The following NLN variants were observed in gnomAD, a reference collection of about 807,000 sequenced individuals.
The protein encoded by NLN is neurolysin, also known as neurolysin, mitochondrial.
A neutral mutation model predicts 79.9 loss-of-function variants in NLN; 64 were observed. The ratio of observed to expected loss-of-function variants is 0.80; its 90% CI spans 0.65 to 0.99. The LOEUF is 0.99. Among genes scored for constraint, NLN ranks in the 50% least tolerant of loss-of-function variants. The probability of loss-of-function intolerance (pLI) is 0.00; values close to 1 mark genes in which losing one functional copy is unlikely to be tolerated. For synonymous variants in NLN, 267 were observed against 296.6 expected, an observed-to-expected ratio of 0.90 and a Z score of 1.02; for missense variants, 835 against 858.7, an observed-to-expected ratio of 0.97 and a Z score of 0.34.
At chr5:65,798,318 C>A (rs1379136916) in intron 9 of NLN, among the ~76,000 whole-genome samples, 2 of 152,204 alleles carry the variant, frequency 1.3e-5, no homozygotes, top group Non-Finnish European at 2.9e-5. Context: ...CATGACCTAA[C>A]TGCTCTACTT....
chr5:65,738,968 T>TA lies in NLN; in HGVS notation c.41+16557dup, dbSNP rs1273123085. ...ATATATGTTTATATATATGTATATA[T>TA]AAATATATATATTATATATTTATAT... On this transcript the variant is annotated intron_variant, in intron 1 of 12. Transcript: ENST00000380985. Among the ~76,000 whole-genome samples, 267 of 65,160 alleles carry TA rather than the reference T, an allele frequency of 4.1e-3. 2 individuals are homozygous for TA. Among genetic ancestry groups the TA allele is most frequent in the African/African-American group, 0.018 (248 of 14,134 alleles). The allele number at this position is 65,160 out of a possible 152,430, so 42.7% of individuals were successfully genotyped here.
At chr5:65,813,707 G>A (rs913564838) in intron 12 of NLN, among the ~76,000 whole-genome samples, 2 of 151,980 alleles carry the variant, frequency 1.3e-5, no homozygotes, top group African/African-American at 2.4e-5. Flanking sequence ...TGGGAGGATC[G>A]CTCAAGTCCA....
chr5:65,787,619 A>G (rs1416616541), intron 7 of NLN, among the ~76,000 whole-genome samples: 1 of 152,350 alleles, frequency 6.6e-6, no homozygotes, highest in East Asian at 1.9e-4. Context: ...CTGTGTCCAG[A>G]TAAACCTTCA....
At chr5:65,809,939 T>A in intron 10 of NLN, 98 bp from the exon 11 acceptor site, 1 of 1,341,310 alleles carries the variant, frequency 7.5e-7, no homozygotes, top group Non-Finnish European at 1.0e-6. Flanking sequence ...ATTTTGTGAG[T>A]ACTACTGGAA....
At position 65,739,923 on chromosome 5, in the gene NLN, G is replaced by T. The variant is rs957705947; in HGVS notation, c.41+17509G>T. On this transcript the variant is annotated intron_variant, in intron 1 of 12. Transcript: ENST00000380985. The stretch of plus-strand genomic sequence containing the variant: ...TAATCCCTTATGAGATGTATATTTT[G>T]CAAATATTTCCTCCCATTCTATAGG... Among the ~76,000 whole-genome samples the T allele has an allele frequency of 2.0e-5, 3 of 151,908 alleles. 1 individual carries two copies. In the South Asian group the frequency reaches 6.2e-4, roughly 31 times the overall value.
chr5:65,722,346 C>A lies in NLN; in HGVS notation c.-28C>A. Reference sequence around the variant, plus strand: ...CGCCCCACGCCGAAGGACCACGCGCCCGCCGCCGCCAGCCTCTCAGCGCTC... The same window carrying A: ...CGCCCCACGCCGAAGGACCACGCGCACGCCGCCGCCAGCCTCTCAGCGCTC... On this transcript the variant is annotated 5_prime_UTR_variant, in exon 1 of 13. Transcript: ENST00000380985. The A allele has an allele frequency of 3.9e-6, 6 of 1,539,762 alleles. No homozygotes were observed. The highest frequency in any genetic ancestry group is 5.2e-6 in the Non-Finnish European group (6 of 1,145,868).
intron 9 of NLN, among the ~76,000 whole-genome samples, chr5:65,796,199 A>G (rs920114481): frequency 1.3e-5 from 2 of 152,260 alleles, no homozygotes; most frequent in Non-Finnish European, 2.9e-5. Context: ...GTGATCTTCA[A>G]ATAGGGTTTT....
chr5:65,775,296 T>C (rs925531692), intron 3 of NLN, among the ~76,000 whole-genome samples: 3 of 152,228 alleles, frequency 2.0e-5, no homozygotes, highest in African/African-American at 7.2e-5. Flanking sequence ...CTTCAGCTAT[T>C]GAGGCTTTGT....
chr5:65,783,634 AGGATTGCT>A (rs1275154078), intron 6 of NLN, among the ~76,000 whole-genome samples: 1 of 151,892 alleles, frequency 6.6e-6, no homozygotes, highest in African/African-American at 2.4e-5. Context: ...CCAAGGCAAG[AGGATTGCT>A]TGAGGCCAGG....
intron 9 of NLN, among the ~76,000 whole-genome samples, chr5:65,794,288 G>A (rs993072550): frequency 2.6e-5 from 4 of 152,164 alleles, no homozygotes; most frequent in Non-Finnish European, 5.9e-5. Context: ...CCTAGTACTT[G>A]TAGTCTTAGA....
At chr5:65,812,172 C>A in intron 11 of NLN, 83 bp from the exon 12 acceptor site, 1 of 1,180,404 alleles carries the variant, frequency 8.5e-7, no homozygotes, top group South Asian at 1.2e-5. Context: ...CAGCTGGCCT[C>A]CTCAGAGGGA....
chr5:65,778,992 G>A (rs1201017675), intron 4 of NLN, among the ~76,000 whole-genome samples: 1 of 152,130 alleles, frequency 6.6e-6, no homozygotes, highest in Non-Finnish European at 1.5e-5. Flanking sequence ...TGGTGTAGAA[G>A]TCACACACCT....
intron 7 of NLN, 53 bp from the exon 8 acceptor site, chr5:65,788,065 G>T: frequency 6.4e-7 from 1 of 1,561,784 alleles, no homozygotes; most frequent in Admixed American, 1.8e-5. Context: ...GTATTTATGA[G>T]TATGCTTGCT....
chr5:65,735,964 A>G (rs146282069), intron 1 of NLN, among the ~76,000 whole-genome samples: 89 of 152,362 alleles, frequency 5.8e-4, no homozygotes, highest in African/African-American at 2.0e-3. Context: ...TACACAAAAA[A>G]TGTAATGCAT....
rs554341966 is a variant in NLN at position 65,787,288 on chromosome 5, GCA to G, written c.959-823_959-822del. Reference sequence around the variant, plus strand: ...TGTGTGTGTGTGTATACATACATGCGCACACACAGACACATGCACGCACACAT... The same window carrying G: ...TGTGTGTGTGTGTATACATACATGCGCACACAGACACATGCACGCACACAT... On this transcript the variant is annotated intron_variant, in intron 7 of 12. Coordinates refer to ENST00000380985, the MANE Select transcript of NLN (RefSeq NM_020726.5). Among the ~76,000 whole-genome samples the G allele has an allele frequency of 9.4e-3, 1,418 of 151,126 alleles. 22 individuals are homozygous for G. The highest frequency in any genetic ancestry group is 0.032 in the African/African-American group (1,325 of 41,026).
intron 3 of NLN, among the ~76,000 whole-genome samples, chr5:65,770,322 C>A (rs531878173): frequency 6.6e-6 from 1 of 152,238 alleles, no homozygotes; most frequent in South Asian, 2.1e-4. Flanking sequence ...AGAACTACTA[C>A]AATCAATAAC....
At chr5:65,738,994 A>ATG (rs1313515148) in intron 1 of NLN, among the ~76,000 whole-genome samples, 1 of 140,694 alleles carries the variant, frequency 7.1e-6, no homozygotes, top group Non-Finnish European at 1.5e-5. Context: ...ATATTTATAT[A>ATG]TATTTTATAA....
chr5:65,731,115 A>C (rs958252164), intron 1 of NLN, among the ~76,000 whole-genome samples: 11 of 152,326 alleles, frequency 7.2e-5, no homozygotes, highest in African/African-American at 2.6e-4. Flanking sequence ...TTGGTGATGT[A>C]GGATGGCCAC....
chr5:65,781,526 T>G, intron 6 of NLN, 105 bp downstream of exon 6: 1 of 787,716 alleles, frequency 1.3e-6, no homozygotes, highest in Non-Finnish European at 2.1e-6. Flanking sequence ...GATATTCCTG[T>G]GTGTGCACTG....
Sources: gnomAD v4.1 joint callset for allele counts (sites outside exome capture counted in the v4.1 genomes callset) on GRCh38, gnomAD v4.1.1 for gene constraint, MANE v1.5 for transcripts, NCBI Gene and HGNC (gene_info 2026-07-23, HGNC 2026-07-21) for gene names.